Variants in UNC13C observed in about 807,000 individuals in gnomAD.
UNC13C encodes the protein protein unc-13 homolog C.
UNC13C carries 174 observed loss-of-function variants against 245.4 expected under a neutral mutation model. The ratio of observed to expected loss-of-function variants is 0.71; its 90% CI spans 0.63 to 0.80. The LOEUF is 0.80. Ranked by LOEUF, UNC13C falls within the 30% of genes least tolerant of loss-of-function variation. UNC13C has a pLI of 0.00. For missense variants in UNC13C, 2,829 were observed against 2,602.9 expected (o/e 1.09, Z -1.89); for synonymous variants, 992 against 895.1 (o/e 1.11, Z -1.93).
chr15:54,620,234 G>A (rs1364943657), intron 30 of UNC13C, among the ~76,000 whole-genome samples: 2 of 152,114 alleles, frequency 1.3e-5, no homozygotes, highest in African/African-American at 2.4e-5. Context: ...TGCCCCTGAC[G>A]TCAATATAAC....
intron 17 of UNC13C, among the ~76,000 whole-genome samples, chr15:54,378,259 A>G (rs897643092): frequency 7.2e-5 from 11 of 152,162 alleles, no homozygotes; most frequent in African/African-American, 2.7e-4. Context: ...GAAATCAGCT[A>G]TCATGTTACT....
chr15:54,467,413 T>G (rs1892237374), intron 19 of UNC13C, among the ~76,000 whole-genome samples: 1 of 151,732 alleles, frequency 6.6e-6, no homozygotes, highest in Non-Finnish European at 1.5e-5. Context: ...TTTACAAGAT[T>G]TTAAGTTTTC....
chr15:53,928,107 G>T, the UNC13C span, among the ~76,000 whole-genome samples: 2 of 142,322 alleles, frequency 1.4e-5, no homozygotes, highest in African/African-American at 5.1e-5. Context: ...GGCGCTAGAG[G>T]AATTAAAGAC....
At chr15:54,592,224 A>G (rs370532771) in intron 30 of UNC13C, among the ~76,000 whole-genome samples, 7 of 152,158 alleles carry the variant, frequency 4.6e-5, no homozygotes, top group East Asian at 1.9e-4. Context: ...CATATGGTCT[A>G]TCTTGGAGAA....
intron 4 of UNC13C, among the ~76,000 whole-genome samples, chr15:54,221,352 A>G (rs953662290): frequency 6.6e-6 from 1 of 152,078 alleles, no homozygotes; most frequent in Non-Finnish European, 1.5e-5. Context: ...CACCAATTGT[A>G]CAAACATAAA....
chr15:54,078,015 C>T (rs1898729904), intron 2 of UNC13C, among the ~76,000 whole-genome samples: 1 of 152,110 alleles, frequency 6.6e-6, no homozygotes, highest in Non-Finnish European at 1.5e-5. Flanking sequence ...CTATTATTTC[C>T]ATGTTTATGT....
chr15:54,460,515 T>A (rs1891777772), intron 19 of UNC13C, among the ~76,000 whole-genome samples: 1 of 152,212 alleles, frequency 6.6e-6, no homozygotes, highest in Non-Finnish European at 1.5e-5. Flanking sequence ...CTGGAGTTGG[T>A]TGGCCTCCAG....
chr15:54,409,225 C>T (rs956255096), intron 18 of UNC13C, among the ~76,000 whole-genome samples: 1 of 150,946 alleles, frequency 6.6e-6, no homozygotes, highest in African/African-American at 2.4e-5. Context: ...TCATCTCAGC[C>T]ACTTTTCCTT....
At chr15:54,524,959 G>A (rs1326555684) in intron 24 of UNC13C, among the ~76,000 whole-genome samples, 1 of 152,110 alleles carries the variant, frequency 6.6e-6, no homozygotes, top group African/African-American at 2.4e-5. Context: ...ACTTTCAGCT[G>A]TAAATTAGCA....
At chr15:54,568,188 CTTG>C (rs1897599931) in intron 30 of UNC13C, among the ~76,000 whole-genome samples, 1 of 151,938 alleles carries the variant, frequency 6.6e-6, no homozygotes, top group African/African-American at 2.4e-5. Context: ...GAATGGCTGA[CTTG>C]TTGGTGATTT....
chr15:54,551,268 T>C (rs1896724761), intron 28 of UNC13C, among the ~76,000 whole-genome samples: 1 of 152,088 alleles, frequency 6.6e-6, no homozygotes, highest in African/African-American at 2.4e-5. Context: ...GTTACATCTT[T>C]TGAACTTCAA....
At chr15:53,966,643 G>T in the UNC13C span, among the ~76,000 whole-genome samples, 1 of 151,866 alleles carries the variant, frequency 6.6e-6, no homozygotes, top group African/African-American at 2.4e-5. Context: ...CCTTATGAAT[G>T]ACTTAATCTT....
the UNC13C span, among the ~76,000 whole-genome samples, chr15:53,843,959 C>T: frequency 6.8e-3 from 1,028 of 152,190 alleles, 6 homozygotes; most frequent in Non-Finnish European, 9.6e-3. Flanking sequence ...AGAAATCAGA[C>T]GGAGTTTAAA....
chr15:54,086,942 G>A (rs1445236293), intron 2 of UNC13C, among the ~76,000 whole-genome samples: 1 of 151,716 alleles, frequency 6.6e-6, no homozygotes, highest in African/African-American at 2.4e-5. Flanking sequence ...CACCATCTTG[G>A]TCAGGCTGGT....
At chr15:54,549,329 A>G (rs1896630146) in intron 27 of UNC13C, among the ~76,000 whole-genome samples, 1 of 152,212 alleles carries the variant, frequency 6.6e-6, no homozygotes, top group African/African-American at 2.4e-5. Context: ...CTAAAAATAA[A>G]TGAATAAAAG....
At chr15:54,248,759 A>G (rs1475181274) in intron 7 of UNC13C, among the ~76,000 whole-genome samples, 1 of 152,168 alleles carries the variant, frequency 6.6e-6, no homozygotes, top group Non-Finnish European at 1.5e-5. Context: ...CCAGCCCCTT[A>G]TCTAATAGCA....
chr15:54,376,368 A>G (rs1211667515), intron 17 of UNC13C, among the ~76,000 whole-genome samples: 1 of 152,236 alleles, frequency 6.6e-6, no homozygotes, highest in East Asian at 1.9e-4. Context: ...AATGACAGAA[A>G]CATAAGGAAA....
chr15:54,542,100 G>GTT (rs1896272621), intron 26 of UNC13C, among the ~76,000 whole-genome samples: 1 of 152,038 alleles, frequency 6.6e-6, no homozygotes, highest in Non-Finnish European at 1.5e-5. Context: ...CCAAACCTAG[G>GTT]TGACCGATAT....
chr15:53,967,928 T>C, the UNC13C span: 11 of 152,218 alleles, frequency 7.2e-5, no homozygotes, highest in African/African-American at 2.7e-4. Context: ...CTTCATTTTT[T>C]TTTCAGTTAT....
Sources: allele counts gnomAD v4.1 joint callset (sites outside exome capture counted in the v4.1 genomes callset), GRCh38; gene constraint gnomAD v4.1.1; transcripts MANE v1.5; gene names NCBI Gene and HGNC (gene_info 2026-07-23, HGNC 2026-07-21).